MIR2052HG: variants seen among roughly 807,000 people sequenced by gnomAD.
MIR2052HG encodes MIR2052 host gene.
At chr8:74,611,624 G>T (rs886953985) in intron 1 of MIR2052HG, among the ~76,000 whole-genome samples, 2 of 152,114 alleles carry the variant, frequency 1.3e-5, no homozygotes, top group East Asian at 3.9e-4. Flanking sequence ...TTTAGACAAG[G>T]AGAATTATAT....
At chr8:74,658,155 C>T (rs368465019) in intron 2 of MIR2052HG, among the ~76,000 whole-genome samples, 1 of 152,250 alleles carries the variant, frequency 6.6e-6, no homozygotes, top group East Asian at 1.9e-4. Flanking sequence ...TGTCTTTAAT[C>T]TTCTCAGTGA....
At position 74,755,521 on chromosome 8, in the gene MIR2052HG, T is replaced by G. The variant is rs543231216; in HGVS notation, n.465-2590T>G. On this transcript the variant is annotated intron_variant and non_coding_transcript_variant, in intron 5 of 6. Coordinates refer to ENST00000523442, the Ensembl canonical transcript of MIR2052HG. Reference sequence around the variant, plus strand: ...ACTACAGTTGAATTTATAGGATGGATGCAGTGACATTGCAGATTTTCTCAA... The same window carrying G: ...ACTACAGTTGAATTTATAGGATGGAGGCAGTGACATTGCAGATTTTCTCAA... Among the ~76,000 whole-genome samples the G allele has an allele frequency of 3.3e-5, 5 of 152,358 alleles. No individual in the cohort carries two copies. In the South Asian group the frequency reaches 1.0e-3, roughly 32 times the overall value.
intron 4 of MIR2052HG, among the ~76,000 whole-genome samples, chr8:74,703,967 A>G (rs1411245184): frequency 6.6e-6 from 1 of 151,994 alleles, no homozygotes; most frequent in Non-Finnish European, 1.5e-5. Flanking sequence ...CAGACTATGG[A>G]TTGCCTACTT....
intron 2 of MIR2052HG, among the ~76,000 whole-genome samples, chr8:74,659,253 A>G (rs1361590088): frequency 6.6e-6 from 1 of 152,230 alleles, no homozygotes; most frequent in Non-Finnish European, 1.5e-5. Flanking sequence ...ACAAAACAGC[A>G]CTTTGATGAG....
intron 4 of MIR2052HG, among the ~76,000 whole-genome samples, chr8:74,734,526 A>G (rs1192077353): frequency 1.3e-5 from 2 of 152,228 alleles, no homozygotes; most frequent in African/African-American, 4.8e-5. Flanking sequence ...GGCTCAGGAC[A>G]AATTGCAGGG....
chr8:74,675,656 C>G (rs1260533866), intron 2 of MIR2052HG, among the ~76,000 whole-genome samples: 1 of 151,836 alleles, frequency 6.6e-6, no homozygotes, highest in East Asian at 1.9e-4. Flanking sequence ...TAGAAAAGAC[C>G]TTTCTGAAGA....
intron 2 of MIR2052HG, among the ~76,000 whole-genome samples, chr8:74,636,988 C>T (rs2128734901): frequency 6.6e-6 from 1 of 152,146 alleles, no homozygotes; most frequent in African/African-American, 2.4e-5. Flanking sequence ...TTGGGATTAT[C>T]TTTAATAAAG....
intron 1 of MIR2052HG, among the ~76,000 whole-genome samples, chr8:74,604,875 T>C (rs1425179575): frequency 2.0e-5 from 3 of 152,174 alleles, no homozygotes; most frequent in Non-Finnish European, 4.4e-5. Flanking sequence ...ATTACAGGCG[T>C]GAGCCACCGC....
At chr8:74,621,560 C>A (rs2128732739) in intron 2 of MIR2052HG, among the ~76,000 whole-genome samples, 1 of 152,266 alleles carries the variant, frequency 6.6e-6, no homozygotes, top group South Asian at 2.1e-4. Flanking sequence ...AGAGTGAGTG[C>A]AAGCAGGGGA....
At chr8:74,678,111 A>G (rs1277076577) in intron 2 of MIR2052HG, among the ~76,000 whole-genome samples, 2 of 152,210 alleles carry the variant, frequency 1.3e-5, no homozygotes, top group African/African-American at 2.4e-5. Flanking sequence ...AAGAGATAAT[A>G]ATTTGAATTG....
intron 1 of MIR2052HG, among the ~76,000 whole-genome samples, chr8:74,601,974 G>A (rs1408353833): frequency 6.6e-6 from 1 of 152,122 alleles, no homozygotes; most frequent in Non-Finnish European, 1.5e-5. Context: ...ATTTTAATTA[G>A]TTTTCACACT....
At chr8:74,728,569 C>T (rs1586925175) in intron 4 of MIR2052HG, among the ~76,000 whole-genome samples, 2 of 152,214 alleles carry the variant, frequency 1.3e-5, no homozygotes, top group Admixed American at 6.5e-5. Flanking sequence ...ACTATATACA[C>T]AATTGTAATT....
chr8:74,723,395 G>A (rs2128754238), intron 4 of MIR2052HG, among the ~76,000 whole-genome samples: 1 of 152,306 alleles, frequency 6.6e-6, no homozygotes, highest in South Asian at 2.1e-4. Context: ...TCCTTGTATA[G>A]GCTGCCTAAT....
chr8:74,607,446 T>C (rs1463996738), intron 1 of MIR2052HG, among the ~76,000 whole-genome samples: 2 of 152,096 alleles, frequency 1.3e-5, no homozygotes, highest in African/African-American at 4.8e-5. Context: ...TCCCCGTCTC[T>C]ACTAAAAATA....
intron 2 of MIR2052HG, among the ~76,000 whole-genome samples, chr8:74,642,670 G>A (rs1014196836): frequency 4.6e-5 from 7 of 152,090 alleles, no homozygotes; most frequent in Admixed American, 1.3e-4. Flanking sequence ...CCAAGAATTA[G>A]TTATTGTGTC....
intron 2 of MIR2052HG, among the ~76,000 whole-genome samples, chr8:74,663,714 A>G (rs928321274): frequency 6.6e-6 from 1 of 152,238 alleles, no homozygotes; most frequent in African/African-American, 2.4e-5. Context: ...ACTTGATCTT[A>G]TCTAATGTAT....
At chr8:74,753,233 G>C (rs1010978850) in intron 5 of MIR2052HG, among the ~76,000 whole-genome samples, 1 of 152,178 alleles carries the variant, frequency 6.6e-6, no homozygotes, top group Non-Finnish European at 1.5e-5. Flanking sequence ...TTAAGTCTTC[G>C]TTACACCAAT....
chr8:74,611,244 T>G (rs191182223), intron 1 of MIR2052HG, among the ~76,000 whole-genome samples: 5 of 152,072 alleles, frequency 3.3e-5, no homozygotes, highest in Non-Finnish European at 5.9e-5. Flanking sequence ...ATTAGGGAAA[T>G]GGAAAGTAAA....
chr8:74,710,733 C>G (rs1304493629), intron 4 of MIR2052HG, among the ~76,000 whole-genome samples: 1 of 152,114 alleles, frequency 6.6e-6, no homozygotes, highest in Non-Finnish European at 1.5e-5. Context: ...GGGGTTCATA[C>G]AAAGTCCTGG....
Sources: allele counts gnomAD v4.1 joint callset (sites outside exome capture counted in the v4.1 genomes callset), GRCh38; gene constraint gnomAD v4.1.1; transcripts MANE v1.5; gene names NCBI Gene and HGNC (gene_info 2026-07-23, HGNC 2026-07-21).